PEPD: variants seen among roughly 807,000 people sequenced by gnomAD.
PEPD encodes xaa-Pro dipeptidase.
In PEPD, 53 loss-of-function variants were observed where a neutral mutation model predicts 60.7. That is an observed-to-expected ratio of 0.87 (90% CI 0.70 to 1.10). The LOEUF (loss-of-function observed/expected upper bound fraction) is 1.10, where lower values mean the gene tolerates loss of function less well. PEPD is among the 50% of genes least tolerant of loss of function. The pLI is 0.00. For synonymous variants in PEPD, 267 were observed against 284.1 expected (o/e 0.94, Z 0.60); for missense variants, 711 against 711.9 (o/e 1.00, Z 0.01).
intron 7 of PEPD, among the ~76,000 whole-genome samples, chr19:33,466,355 C>A (rs2145277412): frequency 6.6e-6 from 1 of 152,236 alleles, no homozygotes; most frequent in East Asian, 1.9e-4. Flanking sequence ...AAAATGTAAC[C>A]CAGTGATCAG....
intron 12 of PEPD, among the ~76,000 whole-genome samples, chr19:33,397,686 C>T (rs767433586): frequency 2.0e-4 from 30 of 152,098 alleles, no homozygotes; most frequent in Admixed American, 7.2e-4. Context: ...GGCAGCAAAG[C>T]CCAGTGGTGG....
intron 9 of PEPD, among the ~76,000 whole-genome samples, chr19:33,458,058 GTGGCGTGTGTA>G (rs1016377430): frequency 1.3e-5 from 2 of 152,128 alleles, no homozygotes; most frequent in Admixed American, 1.3e-4. Context: ...CATGTGGTGG[GTGGCGTGTGTA>G]TGGTGTGTAG....
rs1183184818 is a variant in PEPD, at chr19:33,388,606, G to A, written c.1153-525C>T. Reference sequence around the variant, plus strand: ...TCCGTGTGACTGTCCAGGGAGGACAGGTGCCGTCATCAGGGTGGGTCTGCC... The same window carrying A: ...TCCGTGTGACTGTCCAGGGAGGACAAGTGCCGTCATCAGGGTGGGTCTGCC... On this transcript the variant is annotated intron_variant, in intron 13 of 14. Transcript: ENST00000244137. 27 of 221,986 alleles carry A rather than the reference G, an allele frequency of 1.2e-4. No homozygotes were observed. In the Admixed American group the frequency reaches 1.3e-3, roughly 11 times the overall value. The allele number at this position is 221,986 out of a possible 1,614,324, so 13.8% of individuals were successfully genotyped here.
intron 9 of PEPD, among the ~76,000 whole-genome samples, chr19:33,423,216 CA>C (rs1306831502): frequency 6.6e-6 from 1 of 152,220 alleles, no homozygotes; most frequent in Non-Finnish European, 1.5e-5. Context: ...CAGTGCTTGG[CA>C]CATCAGAAGT....
intron 7 of PEPD, 126 bp from the exon 8 acceptor site, chr19:33,464,188 G>C: frequency 1.4e-6 from 1 of 731,598 alleles, no homozygotes; most frequent in Middle Eastern, 2.3e-4. Flanking sequence ...TGCAAGGCCA[G>C]AGTGGGGCCA....
rs201605550 is a variant in PEPD, at chr19:33,478,100, G to A, written c.504-10C>T. ...ATTGTTGACTTCGAACCTGTAGGGC[G>A]AAAAGAAATCAAGCCCATTAATCCA... On this transcript the variant is annotated splice_polypyrimidine_tract_variant and intron_variant, in intron 6 of 14. Transcript: ENST00000244137. 53 of 1,601,516 alleles carry A rather than the reference G, an allele frequency of 3.3e-5. 1 individual carries two copies. The East Asian group carries it at 3.6e-4, about 11-fold the overall frequency.
chr19:33,492,782 A>G (rs1366239718), intron 5 of PEPD, among the ~76,000 whole-genome samples: 1 of 152,240 alleles, frequency 6.6e-6, no homozygotes, highest in Non-Finnish European at 1.5e-5. Context: ...GACAGGACAC[A>G]GCAGGTCCCA....
intron 3 of PEPD, among the ~76,000 whole-genome samples, chr19:33,501,996 C>T (rs556728664): frequency 1.3e-5 from 2 of 152,328 alleles, no homozygotes; most frequent in South Asian, 2.1e-4. Flanking sequence ...GGGCAGCCCT[C>T]GTCCACCTCC....
At chr19:33,411,090 T>C (rs1968755666) in intron 11 of PEPD, among the ~76,000 whole-genome samples, 1 of 152,194 alleles carries the variant, frequency 6.6e-6, no homozygotes, top group African/African-American at 2.4e-5. Flanking sequence ...CCGCAGGGCC[T>C]GCCCACATCT....
At chr19:33,499,628 A>C (rs755381861) in intron 4 of PEPD, among the ~76,000 whole-genome samples, 2 of 152,226 alleles carry the variant, frequency 1.3e-5, no homozygotes, top group Non-Finnish European at 2.9e-5. Flanking sequence ...GGTGTCCACA[A>C]CTTGGTCCTG....
At chr19:33,440,347 C>T (rs894870291) in intron 9 of PEPD, among the ~76,000 whole-genome samples, 2 of 152,154 alleles carry the variant, frequency 1.3e-5, no homozygotes, top group African/African-American at 4.8e-5. Flanking sequence ...GCCTTCACAA[C>T]CTACCCAGGG....
chr19:33,481,837 T>C (rs1214853101), intron 6 of PEPD, among the ~76,000 whole-genome samples: 1 of 151,836 alleles, frequency 6.6e-6, no homozygotes, highest in East Asian at 1.9e-4. Context: ...AAGACCAACA[T>C]GGCAAAACCC....
intron 9 of PEPD, among the ~76,000 whole-genome samples, chr19:33,453,643 T>A (rs1969741950): frequency 6.6e-6 from 1 of 152,264 alleles, no homozygotes; most frequent in Admixed American, 6.5e-5. Context: ...AAACATAACT[T>A]TTATATGCAC....
At chr19:33,490,082 A>G in intron 5 of PEPD, 25 bp from the exon 6 acceptor site, 1 of 1,589,926 alleles carries the variant, frequency 6.3e-7, no homozygotes, top group Non-Finnish European at 8.6e-7. Context: ...CACAGACATG[A>G]CACACGGGGC....
chr19:33,501,243 G>A (rs1002505476), intron 3 of PEPD, among the ~76,000 whole-genome samples: 6 of 152,214 alleles, frequency 3.9e-5, no homozygotes, highest in Admixed American at 3.3e-4. Context: ...CCGCTCCTCC[G>A]TGACCCTAGC....
intron 6 of PEPD, among the ~76,000 whole-genome samples, chr19:33,479,957 G>A (rs1346460514): frequency 6.6e-6 from 1 of 152,140 alleles, no homozygotes; most frequent in Non-Finnish European, 1.5e-5. Flanking sequence ...TGGGTTGAAT[G>A]GTATTTCTGT....
chr19:33,475,713 C>A lies in PEPD; in HGVS notation c.548+2333G>T, dbSNP rs1049655613. 1.6e-4 allele frequency among the ~76,000 whole-genome samples: 25 copies of A among 152,272 alleles called. 1 individual carries two copies. Among genetic ancestry groups the A allele is most frequent in the Middle Eastern group, 3.4e-3 (1 of 294 alleles). On this transcript the variant is annotated intron_variant, in intron 7 of 14. Transcript: ENST00000244137. ...GCTGTAAGTGACCACAAGGGAATGT[C>A]CCATGTGAGGCAGTATAAGTGGACA...
At chr19:33,481,134 A>G (rs1246645343) in intron 6 of PEPD, among the ~76,000 whole-genome samples, 3 of 152,228 alleles carry the variant, frequency 2.0e-5, no homozygotes, top group Non-Finnish European at 4.4e-5. Context: ...CAAAGGAATG[A>G]AAAAGGGGGA....
intron 11 of PEPD, among the ~76,000 whole-genome samples, chr19:33,411,248 A>G (rs563386665): frequency 6.6e-6 from 1 of 152,152 alleles, no homozygotes; most frequent in African/African-American, 2.4e-5. Flanking sequence ...GGCAGGTTTC[A>G]GAGCGTGGGA....
Sources: gnomAD v4.1 joint callset for allele counts (sites outside exome capture counted in the v4.1 genomes callset) on GRCh38, gnomAD v4.1.1 for gene constraint, MANE v1.5 for transcripts, NCBI Gene and HGNC (gene_info 2026-07-23, HGNC 2026-07-21) for gene names.